Variants in VAC14 observed in about 807,000 individuals in gnomAD.
VAC14 encodes the protein protein VAC14 homolog.
A neutral mutation model predicts 85.3 loss-of-function variants in VAC14; 47 were observed. The ratio of observed to expected loss-of-function variants is 0.55; its 90% CI spans 0.44 to 0.70. VAC14 has a LOEUF of 0.70. Among genes scored for constraint, VAC14 ranks in the 30% least tolerant of loss-of-function variants. VAC14 has a pLI of 0.00. For synonymous variants in VAC14, 447 were observed against 430.5 expected (o/e 1.04, Z -0.47); for missense variants, 861 against 1,004.3 (o/e 0.86, Z 1.93).
chr16:70,767,965 C>A (rs963232417), intron 10 of VAC14, among the ~76,000 whole-genome samples: 10 of 152,150 alleles, frequency 6.6e-5, no homozygotes, highest in Admixed American at 2.6e-4. Flanking sequence ...ACTCACTGCA[C>A]CCTCAAGCTC....
At chr16:70,745,703 A>C (rs1478274512) in intron 12 of VAC14, among the ~76,000 whole-genome samples, 2 of 152,142 alleles carry the variant, frequency 1.3e-5, no homozygotes, top group African/African-American at 4.8e-5. Flanking sequence ...TCCCCCCAAA[A>C]GGTGTATCTC....
chr16:70,726,075 T>C (rs2054419639), intron 14 of VAC14, among the ~76,000 whole-genome samples: 2 of 152,250 alleles, frequency 1.3e-5, no homozygotes, highest in Admixed American at 6.5e-5. Flanking sequence ...GCAGGCCTTG[T>C]AAAGATCACA....
chr16:70,700,114 C>T (rs963092869), intron 14 of VAC14: 10 of 152,224 alleles, frequency 6.6e-5, no homozygotes, highest in African/African-American at 2.4e-4. Context: ...TCCCAAATGC[C>T]CCTGAACGCC....
chr16:70,718,588 C>A (rs372635246), intron 14 of VAC14, among the ~76,000 whole-genome samples: 9,450 of 149,558 alleles, frequency 0.063, 323 homozygotes, highest in Middle Eastern at 0.076. Flanking sequence ...AAAAAAAAAA[C>A]AAAAAAACAA....
Position 70,784,132 on chromosome 16 carries a change from C to T in VAC14, c.575G>A (p.Arg192Gln), listed in dbSNP as rs781619169. Residue 192 changes from arginine (R) to glutamine (Q), a missense_variant, in exon 5 of 19, where the codon CGG becomes CAG. By Grantham distance (43) the Arg-to-Gln change is conservative. Coordinates refer to ENST00000261776, the MANE Select transcript of VAC14 (RefSeq NM_018052.5). ...ERIYSNNQYA[R>Q]QFIISWILVL... ...CCTTACCCAGGAGATGATGAACTGC[C>T]GGGCATACTGGTTGTTGGAGTAAAT... The T allele has an allele frequency of 9.9e-6, 16 of 1,614,004 alleles. No individual in the cohort carries two copies. The highest frequency in any genetic ancestry group is 2.7e-5 in the African/African-American group (2 of 74,914).
At chr16:70,781,784 G>A (rs945732496) in intron 8 of VAC14, 85 bp downstream of exon 8, 2 of 1,533,444 alleles carry the variant, frequency 1.3e-6, no homozygotes, top group Non-Finnish European at 8.9e-7. Context: ...TCCTAAGAGA[G>A]CCCCCAGCCC....
chr16:70,688,096 A>C lies in VAC14; in HGVS notation c.2187-6T>G. The C allele has an allele frequency of 6.4e-7, 1 of 1,555,088 alleles. No individual in the cohort carries two copies. The highest frequency in any genetic ancestry group is 8.7e-7 in the Non-Finnish European group (1 of 1,144,426). On this transcript the variant is annotated splice_region_variant and splice_polypyrimidine_tract_variant and intron_variant, in intron 18 of 18. Coordinates refer to ENST00000261776, the MANE Select transcript of VAC14 (RefSeq NM_018052.5). The stretch of plus-strand genomic sequence containing the variant: ...GGGCTGCCTTTAGACTGTCTCTGGG[A>C]AGAGGGAGCAGAAATGCTCAGTGTC...
At chr16:70,707,113 G>A (rs1250583684) in intron 14 of VAC14, among the ~76,000 whole-genome samples, 7 of 152,164 alleles carry the variant, frequency 4.6e-5, no homozygotes, top group African/African-American at 7.2e-5. Context: ...AGTCCAGAAC[G>A]CTCCAGAATC....
chr16:70,744,493 A>G lies in VAC14; in HGVS notation c.1458T>C (p.Pro486=), dbSNP rs767303554. The change falls in exon 13 of 19, where the codon CCT becomes CCC. Residue 486 remains proline (P), a synonymous_variant. Transcript: ENST00000261776. ...QTDDPGPLDG[P]DLQASHSELQ... ...GCTCTGAGTGGCTGGCCTGGAGGTCAGGGCCATCGAGGGGGCCTGGGTCAT... is the reference window on the plus strand; with the variant it reads ...GCTCTGAGTGGCTGGCCTGGAGGTCGGGGCCATCGAGGGGGCCTGGGTCAT... 1.2e-6 allele frequency: 2 copies of G among 1,613,710 alleles called. No homozygotes were observed. The highest frequency in any genetic ancestry group is 4.5e-5 in the East Asian group (2 of 44,862).
intron 14 of VAC14, among the ~76,000 whole-genome samples, chr16:70,717,187 C>T (rs1386931706): frequency 2.0e-5 from 3 of 152,240 alleles, no homozygotes; most frequent in South Asian, 2.1e-4. Flanking sequence ...TCAGCACCAG[C>T]GCACTCTGGC....
At chr16:70,751,919 A>G (rs927990744) in intron 12 of VAC14, among the ~76,000 whole-genome samples, 2 of 152,260 alleles carry the variant, frequency 1.3e-5, no homozygotes, top group Non-Finnish European at 2.9e-5. Context: ...GGGTCACAGC[A>G]GCCCTGCCTT....
intron 10 of VAC14, chr16:70,769,520 C>A (rs1278623198): frequency 6.6e-6 from 1 of 152,254 alleles, no homozygotes; most frequent in Non-Finnish European, 1.5e-5. Flanking sequence ...GCTGGTGACA[C>A]TGACTGTGCA....
intron 1 of VAC14, among the ~76,000 whole-genome samples, chr16:70,791,596 G>C (rs907474139): frequency 1.3e-5 from 2 of 152,176 alleles, no homozygotes; most frequent in Non-Finnish European, 2.9e-5. Context: ...ATGTTGGCCA[G>C]GCTGGTCTTG....
At chr16:70,741,721 GTTC>G (rs1422653666) in intron 13 of VAC14, among the ~76,000 whole-genome samples, 2 of 152,298 alleles carry the variant, frequency 1.3e-5, no homozygotes, top group Middle Eastern at 3.4e-3. Flanking sequence ...ATGCTTTGTC[GTTC>G]TTCTATGAAT....
intron 3 of VAC14, among the ~76,000 whole-genome samples, chr16:70,785,227 T>G (rs1036365970): frequency 1.3e-5 from 2 of 152,178 alleles, no homozygotes; most frequent in African/African-American, 2.4e-5. Flanking sequence ...CTCTAGAAAC[T>G]TCCGTGGCAT....
intron 12 of VAC14, among the ~76,000 whole-genome samples, chr16:70,756,672 G>A (rs1190670768): frequency 6.6e-6 from 1 of 152,150 alleles, no homozygotes; most frequent in Non-Finnish European, 1.5e-5. Context: ...CATGGGTCAG[G>A]CACTTCTGCT....
At chr16:70,793,853 A>G (rs1439471483) in intron 1 of VAC14, among the ~76,000 whole-genome samples, 1 of 152,258 alleles carries the variant, frequency 6.6e-6, no homozygotes, top group Non-Finnish European at 1.5e-5. Flanking sequence ...GTGATCTTAT[A>G]CATAGCACAC....
At chr16:70,799,090 A>G (rs2034661119) in intron 1 of VAC14, among the ~76,000 whole-genome samples, 1 of 152,230 alleles carries the variant, frequency 6.6e-6, no homozygotes, top group Admixed American at 6.5e-5. Context: ...AAGCAACAAT[A>G]ATGTTGAGAT....
chr16:70,723,146 C>T lies in VAC14; in HGVS notation c.1661+8349G>A, dbSNP rs866597316. On this transcript the variant is annotated intron_variant, in intron 14 of 18. Transcript: ENST00000261776. ...CTGAGGCATGAGAACTGCTTGAACCCGGGGGGTGGAGGTTGCAGTGAGCTG... is the reference window on the plus strand; with the variant it reads ...CTGAGGCATGAGAACTGCTTGAACCTGGGGGGTGGAGGTTGCAGTGAGCTG... 1.5e-4 allele frequency among the ~76,000 whole-genome samples: 23 copies of T among 151,908 alleles called. 1 individual carries two copies. The Middle Eastern group carries it at 0.017, about 112-fold the overall frequency.
Sources: allele counts gnomAD v4.1 joint callset (sites outside exome capture counted in the v4.1 genomes callset), GRCh38; gene constraint gnomAD v4.1.1; transcripts MANE v1.5; gene names NCBI Gene and HGNC (gene_info 2026-07-23, HGNC 2026-07-21).